SLC36A1: variants seen among roughly 807,000 people sequenced by gnomAD.
SLC36A1 encodes the protein proton-coupled amino acid transporter 1.
In SLC36A1, 30 loss-of-function variants were observed where a neutral mutation model predicts 47.5. The ratio of observed to expected loss-of-function variants is 0.63; its 90% confidence interval spans 0.47 to 0.86. The LOEUF (loss-of-function observed/expected upper bound fraction) is 0.86. SLC36A1 is among the 40% of genes least tolerant of loss of function. SLC36A1 has a pLI of 0.00. For synonymous variants in SLC36A1, 255 were observed against 249.7 expected, an observed-to-expected ratio of 1.02 and a Z score of -0.20; for missense variants, 517 against 606.0, an observed-to-expected ratio of 0.85 and a Z score of 1.54.
chr5:151,517,658 G>A, the SLC36A1 span: 1 of 1,614,192 alleles, frequency 6.2e-7, no homozygotes, highest in East Asian at 2.2e-5. Context: ...GTGAATAGAA[G>A]AATGGCCTGT....
chr5:151,476,334 G>C (rs1436495107), intron 8 of SLC36A1, among the ~76,000 whole-genome samples: 1 of 152,214 alleles, frequency 6.6e-6, no homozygotes, highest in Non-Finnish European at 1.5e-5. Context: ...CAGAGCACTG[G>C]CCTGAGCCAG....
At chr5:151,380,487 A>T in the SLC36A1 span, 1 of 469,504 alleles carries the variant, frequency 2.1e-6, no homozygotes, top group South Asian at 1.6e-5. Flanking sequence ...TGCCTATCCA[A>T]GAGCAGTTAT....
the SLC36A1 span, among the ~76,000 whole-genome samples, chr5:151,500,363 T>TTTGTTGTTG: frequency 2.6e-5 from 4 of 151,654 alleles, no homozygotes; most frequent in Non-Finnish European, 4.4e-5. Flanking sequence ...TCATTAGGGT[T>TTTGTTGTTG]TTGTTGTTGT....
chr5:151,506,991 C>T, the SLC36A1 span, among the ~76,000 whole-genome samples: 1 of 152,226 alleles, frequency 6.6e-6, no homozygotes. Context: ...GGTATCTGCT[C>T]CAGCATCCGT....
chr5:151,468,264 A>ATAT (rs1335556137), intron 7 of SLC36A1, among the ~76,000 whole-genome samples: 15 of 78,668 alleles, frequency 1.9e-4, no homozygotes, highest in African/African-American at 7.3e-4. Context: ...AAAAAAAAAA[A>ATAT]AAATATATAT....
At chr5:151,425,659 C>G in the SLC36A1 span, among the ~76,000 whole-genome samples, 1 of 151,996 alleles carries the variant, frequency 6.6e-6, no homozygotes, top group Non-Finnish European at 1.5e-5. Context: ...AAAAATAAAA[C>G]CCATCGTGTC....
At chr5:151,366,957 A>G in the SLC36A1 span, among the ~76,000 whole-genome samples, 9 of 152,180 alleles carry the variant, frequency 5.9e-5, no homozygotes, top group Admixed American at 5.9e-4. Context: ...GTGTAAGAAC[A>G]AGGAGTAGGT....
At chr5:151,443,944 C>G (rs1032295128), upstream of SLC36A1, among the ~76,000 whole-genome samples, 1 of 152,144 alleles carries the variant, frequency 6.6e-6, no homozygotes, top group Non-Finnish European at 1.5e-5. Flanking sequence ...ATTGTGTTCT[C>G]TTGATGCCCT....
At chr5:151,452,297 A>G (rs1753765090) in intron 1 of SLC36A1, 1 of 152,226 alleles carries the variant, frequency 6.6e-6, no homozygotes. Context: ...CCCTCACTGT[A>G]GACCACACAT....
At chr5:151,391,566 G>T in the SLC36A1 span, among the ~76,000 whole-genome samples, 7 of 152,278 alleles carry the variant, frequency 4.6e-5, no homozygotes, top group South Asian at 1.5e-3. Flanking sequence ...ATTATTTTGA[G>T]ATACGTCCCA....
rs183131678 is a variant in SLC36A1, at chr5:151,479,466, G to T, written c.1136G>T (p.Arg379Leu). 4.5e-5 allele frequency: 72 copies of T among 1,614,058 alleles called. No individual in the cohort carries two copies. Among genetic ancestry groups the T allele is most frequent in the African/African-American group, 6.7e-5 (5 of 74,912 alleles). Reference protein sequence around the residue: ...HCELVVDLFVRTVLVCLTCIL... With the variant: ...HCELVVDLFVLTVLVCLTCIL... ...GAGTTAGTGGTGGACCTGTTTGTGC[G>T]CACAGTGCTGGTCTGCCTGACATGT... Residue 379 changes from arginine to leucine, a missense_variant, in exon 10 of 11, where the codon CGC becomes CTC. Physicochemically the swap from Arg to Leu is moderately radical, Grantham distance 102. Transcript: ENST00000243389.
the SLC36A1 span, among the ~76,000 whole-genome samples, chr5:151,369,161 A>G: frequency 6.6e-6 from 1 of 152,218 alleles, no homozygotes; most frequent in Non-Finnish European, 1.5e-5. Flanking sequence ...ACAAAATACA[A>G]CAATGCACCT....
the SLC36A1 span, among the ~76,000 whole-genome samples, chr5:151,516,931 C>T: frequency 6.6e-6 from 1 of 151,964 alleles, no homozygotes; most frequent in Non-Finnish European, 1.5e-5. Flanking sequence ...CATGGCAAAA[C>T]CCCATCTCTA....
the SLC36A1 span, among the ~76,000 whole-genome samples, chr5:151,515,569 G>T: frequency 2.0e-5 from 3 of 152,100 alleles, no homozygotes; most frequent in Non-Finnish European, 4.4e-5. Context: ...CCCTTCCCCA[G>T]GCCTGCTGGC....
the SLC36A1 span, among the ~76,000 whole-genome samples, chr5:151,411,086 AC>A: frequency 9.0e-5 from 13 of 144,618 alleles, no homozygotes; most frequent in Non-Finnish European, 1.8e-4. Context: ...GAGAGAAGTT[AC>A]TAGCCTTATT....
At chr5:151,398,029 G>A in the SLC36A1 span, among the ~76,000 whole-genome samples, 1 of 152,054 alleles carries the variant, frequency 6.6e-6, no homozygotes, top group Middle Eastern at 3.2e-3. Flanking sequence ...GAGGTGGGAG[G>A]ATCGCTTGAG....
chr5:151,491,155 C>T lies in SLC36A1; in HGVS notation c.*2901C>T, dbSNP rs1012509091. ...GCTGCTGTTGGGAGCGGGCTTCCAG[C>T]TCTCAGTGGGCAGTGCACCTCCTCC... On this transcript the variant is annotated 3_prime_UTR_variant, in exon 11 of 11. Coordinates refer to ENST00000243389, the MANE Select transcript of SLC36A1 (RefSeq NM_078483.4). 2.6e-5 allele frequency: 4 copies of T among 152,660 alleles called. No homozygotes were observed. Among genetic ancestry groups the T allele is most frequent in the African/African-American group, 9.6e-5 (4 of 41,462 alleles). 9.5% of individuals were successfully genotyped at this position (152,660 alleles called of 1,614,324 possible).
upstream of SLC36A1, among the ~76,000 whole-genome samples, chr5:151,432,201 T>C (rs1414997177): frequency 6.6e-6 from 1 of 152,170 alleles, no homozygotes; most frequent in Non-Finnish European, 1.5e-5. Flanking sequence ...AAATTATAAA[T>C]ATTAATCATA....
At chr5:151,355,400 A>G in the SLC36A1 span, among the ~76,000 whole-genome samples, 8 of 152,236 alleles carry the variant, frequency 5.3e-5, no homozygotes, top group Non-Finnish European at 1.0e-4. Context: ...CAGTGCCACA[A>G]TACGACATAC....
Sources: allele counts gnomAD v4.1 joint callset (sites outside exome capture counted in the v4.1 genomes callset), GRCh38; gene constraint gnomAD v4.1.1; transcripts MANE v1.5; gene names NCBI Gene and HGNC (gene_info 2026-07-23, HGNC 2026-07-21).